Variants in NAV2 observed in about 807,000 individuals in gnomAD.
NAV2 encodes the protein helicase, APC down-regulated 1.
A neutral mutation model predicts 223.2 loss-of-function variants in NAV2; 54 were observed. The observed-to-expected ratio is 0.24, with a 90% CI of 0.19 to 0.30. NAV2 has a LOEUF of 0.30. Ranked by LOEUF, NAV2 falls within the 10% of genes least tolerant of loss-of-function variation. NAV2 has a pLI of 1.00. For missense variants in NAV2, 2,806 were observed against 3,147.5 expected (o/e 0.89, Z 2.60); for synonymous variants, 1,279 against 1,239.3 (o/e 1.03, Z -0.67).
Position 19,550,755 on chromosome 11 carries a change from A to G in NAV2, c.75+199728A>G, listed in dbSNP as rs113168902. Among the ~76,000 whole-genome samples the G allele has an allele frequency of 3.2e-3, 480 of 152,304 alleles. 4 individuals are homozygous for G. Among genetic ancestry groups the G allele is most frequent in the African/African-American group, 0.011 (458 of 41,550 alleles). On this transcript the variant is annotated intron_variant, in intron 1 of 37. Coordinates refer to the NAV2 transcript ENST00000360655. ...TCCTGAGATGGGGCTCGGACACTGG[A>G]CCAAATTGAGGACTAGCTAAAACAG...
At chr11:19,742,932 T>C (rs12365265) in intron 1 of NAV2, among the ~76,000 whole-genome samples, 126,325 of 152,244 alleles carry the variant, frequency 0.83, 53,505 homozygotes, top group East Asian at 0.98. Context: ...GAGACTTCTG[T>C]AGTGTCTTAT....
upstream of NAV2, chr11:19,711,199 T>G (rs2049857088): frequency 2.0e-5 from 3 of 152,230 alleles, no homozygotes; most frequent in South Asian, 6.2e-4. Flanking sequence ...TTCTCATTTC[T>G]TAATGCTTCA....
Position 20,107,706 on chromosome 11 carries a change from C to T in NAV2, c.6884C>T (p.Ser2295Leu), listed in dbSNP as rs753133443. ...FLSCPIDVDG[S>L]RVWFTDLWNY... ...TCATGCCCCATCGATGTGGACGGCTCGAGAGTGTGGTTCACCGACTTGTGG... is the reference window on the plus strand; with the variant it reads ...TCATGCCCCATCGATGTGGACGGCTTGAGAGTGTGGTTCACCGACTTGTGG... Residue 2295 changes from serine to leucine, a missense_variant, in exon 36 of 38, where the codon TCG (serine) becomes TTG (leucine). Coordinates refer to ENST00000349880, the MANE Select transcript of NAV2 (RefSeq NM_145117.5). 13 of 1,614,130 alleles carry T rather than the reference C, an allele frequency of 8.1e-6. No homozygotes were observed. The highest frequency in any genetic ancestry group is 1.7e-5 in the Admixed American group (1 of 60,028).
chr11:19,429,474 G>A (rs1196596090), intron 1 of NAV2, among the ~76,000 whole-genome samples: 1 of 152,088 alleles, frequency 6.6e-6, no homozygotes, highest in African/African-American at 2.4e-5. Flanking sequence ...AGTGACCTTC[G>A]GCAGTAGGAC....
chr11:19,351,800 GGTAAAA>G (rs1853332251), intron 1 of NAV2, among the ~76,000 whole-genome samples: 1 of 63,408 alleles, frequency 1.6e-5, no homozygotes, highest in Non-Finnish European at 2.8e-5. Context: ...TGTTGTGTAT[GGTAAAA>G]AAAAAAAAAA....
At chr11:19,955,954 G>T (rs138710892) in intron 10 of NAV2, among the ~76,000 whole-genome samples, 1 of 152,284 alleles carries the variant, frequency 6.6e-6, no homozygotes, top group East Asian at 1.9e-4. Context: ...TTCCAGCAGG[G>T]TGTGGCAGGC....
Position 19,819,472 on chromosome 11 carries a change from C to A in NAV2, c.268-13012C>A, listed in dbSNP as rs539362801. 1.1e-4 allele frequency among the ~76,000 whole-genome samples: 16 copies of A among 152,258 alleles called. No homozygotes were observed. In the East Asian group the frequency reaches 3.1e-3, roughly 29 times the overall value. On this transcript the variant is annotated intron_variant, in intron 1 of 37. Coordinates refer to ENST00000349880, the MANE Select transcript of NAV2 (RefSeq NM_145117.5). ...GCCTTCTCTGAACTCCCAGTTCACA[C>A]AGAAGCCTGGCAGGCAGGGTTGGCT...
chr11:20,025,712 G>A (rs1423198782), intron 11 of NAV2, among the ~76,000 whole-genome samples: 6 of 152,168 alleles, frequency 3.9e-5, no homozygotes, highest in Admixed American at 2.0e-4. Context: ...TTTTTTATGC[G>A]GTTTGTGTTT....
At chr11:20,095,633 C>T (rs775515899) in intron 29 of NAV2, 39 bp from the exon 30 acceptor site, 1 of 1,435,074 alleles carries the variant, frequency 7.0e-7, no homozygotes, top group Non-Finnish European at 9.8e-7. Context: ...CAGAAAAGAT[C>T]CACCTGTTTT....
At chr11:19,838,111 T>C (rs1309674359) in intron 2 of NAV2, among the ~76,000 whole-genome samples, 1 of 152,140 alleles carries the variant, frequency 6.6e-6, no homozygotes, top group Non-Finnish European at 1.5e-5. Flanking sequence ...TCCTGTGACT[T>C]TTCTGTAAGT....
rs987662011 is a variant in NAV2, at chr11:19,487,447, A to G, written c.75+136420A>G. ...ATTGACTTGCTTCTAACTTGCTTCC[A>G]TATGAGGAAGGATTGAAAAAATGAT... On this transcript the variant is annotated intron_variant, in intron 1 of 37. Coordinates refer to the NAV2 transcript ENST00000360655. Among the ~76,000 whole-genome samples, 19 of 152,274 alleles carry G rather than the reference A, an allele frequency of 1.2e-4. 1 individual carries two copies. Among genetic ancestry groups the G allele is most frequent in the Admixed American group, 7.2e-4 (11 of 15,304 alleles).
At chr11:20,067,529 G>GCCTCACCTTGGGCCATTTGGAACTC (rs2059124764) in intron 20 of NAV2, among the ~76,000 whole-genome samples, 1 of 152,078 alleles carries the variant, frequency 6.6e-6, no homozygotes, top group Non-Finnish European at 1.5e-5. Flanking sequence ...CCAGGCTAGA[G>GCCTCACCTTGGGCCATTTGGAACTC]TGCAGTGGTG....
At chr11:19,533,357 T>C (rs550897743) in intron 1 of NAV2, among the ~76,000 whole-genome samples, 1 of 151,928 alleles carries the variant, frequency 6.6e-6, no homozygotes, top group South Asian at 2.1e-4. Flanking sequence ...TGACCAAAAA[T>C]ATCTGCAGTC....
At chr11:19,428,546 A>G (rs1215174013) in intron 1 of NAV2, among the ~76,000 whole-genome samples, 1 of 152,252 alleles carries the variant, frequency 6.6e-6, no homozygotes, top group African/African-American at 2.4e-5. Flanking sequence ...CCGAGTTAGG[A>G]TAAATGCAGC....
chr11:19,519,358 G>A (rs1342331221), intron 1 of NAV2, among the ~76,000 whole-genome samples: 1 of 152,170 alleles, frequency 6.6e-6, no homozygotes, highest in Non-Finnish European at 1.5e-5. Flanking sequence ...TGTGCTAGGG[G>A]CTGTCCTAAC....
chr11:19,979,966 A>C (rs2050154534), intron 10 of NAV2, among the ~76,000 whole-genome samples: 1 of 152,238 alleles, frequency 6.6e-6, no homozygotes, highest in Admixed American at 6.5e-5. Flanking sequence ...TGAAGGTTGA[A>C]TGCCATGATT....
intron 1 of NAV2, among the ~76,000 whole-genome samples, chr11:19,723,088 C>T (rs1052358684): frequency 1.3e-5 from 2 of 152,186 alleles, no homozygotes; most frequent in South Asian, 2.1e-4. Context: ...TCCTGCCCCC[C>T]ACCCCCAACC....
At chr11:19,476,814 T>C (rs898504940) in intron 1 of NAV2, among the ~76,000 whole-genome samples, 1 of 152,214 alleles carries the variant, frequency 6.6e-6, no homozygotes, top group Non-Finnish European at 1.5e-5. Flanking sequence ...TCCAAATTCC[T>C]GCCAGCATGA....
intron 1 of NAV2, among the ~76,000 whole-genome samples, chr11:19,774,613 C>G (rs769552007): frequency 2.0e-5 from 3 of 152,190 alleles, no homozygotes; most frequent in Non-Finnish European, 4.4e-5. Flanking sequence ...CACACACATA[C>G]ACACAGAGAG....
Sources: gnomAD v4.1 joint callset for allele counts (sites outside exome capture counted in the v4.1 genomes callset) on GRCh38, gnomAD v4.1.1 for gene constraint, MANE v1.5 for transcripts, NCBI Gene and HGNC (gene_info 2026-07-23, HGNC 2026-07-21) for gene names.